ESR2: variants seen among roughly 807,000 people sequenced by gnomAD.
ESR2 encodes the protein estrogen receptor 2, also known as estrogen receptor beta.
Under a neutral mutation model 49.6 loss-of-function variants are expected in ESR2, and 36 were observed. The ratio of observed to expected loss-of-function variants is 0.73; its 90% CI spans 0.56 to 0.96. ESR2 has a LOEUF of 0.96. Among genes scored for constraint, ESR2 ranks in the 40% least tolerant of loss-of-function variants. The pLI is 0.00. For synonymous variants in ESR2, 320 were observed against 266.1 expected (o/e 1.20, Z -1.97); for missense variants, 714 against 693.0 (o/e 1.03, Z -0.34).
chr14:64,234,690 C>T (rs1415021289), intron 8 of ESR2: 3 of 603,116 alleles, frequency 5.0e-6, no homozygotes, highest in East Asian at 2.9e-5. Context: ...GGAACTGCCC[C>T]TTTTAGGACT....
At chr14:64,239,613 C>T (rs2075678627) in intron 7 of ESR2, among the ~76,000 whole-genome samples, 1 of 152,128 alleles carries the variant, frequency 6.6e-6, no homozygotes, top group African/African-American at 2.4e-5. Flanking sequence ...GCAAGATGGC[C>T]AGTCTGTCTG....
intron 1 of ESR2, among the ~76,000 whole-genome samples, chr14:64,304,062 C>T (rs1243413738): frequency 4.6e-5 from 7 of 152,194 alleles, no homozygotes; most frequent in Non-Finnish European, 8.8e-5. Flanking sequence ...CCTGTAATCC[C>T]AGCACTTTGG....
chr14:64,279,918 T>C, intron 3 of ESR2, 63 bp downstream of exon 3: 1 of 1,393,680 alleles, frequency 7.2e-7, no homozygotes, highest in Non-Finnish European at 1.0e-6. Flanking sequence ...CCAAGTCATC[T>C]CTGCAAAATT....
At chr14:64,285,855 GA>G (rs1178178602) in intron 1 of ESR2, among the ~76,000 whole-genome samples, 100 of 140,490 alleles carry the variant, frequency 7.1e-4, no homozygotes, top group Middle Eastern at 3.7e-3. Flanking sequence ...AAAAGAAAAA[GA>G]AAAAAAAAAG....
In ESR2 at chr14:64,282,626, G is replaced by A. The variant is rs765590594; in HGVS notation, c.360C>T (p.Asn120=). 23 of 1,593,926 alleles carry A rather than the reference G, an allele frequency of 1.4e-5. No individual in the cohort carries two copies. The South Asian group carries it at 2.0e-4, about 14-fold the overall frequency. The change falls in exon 2 of 9, where the codon AAC becomes AAT. Residue 120 remains asparagine (N), a splice_region_variant and synonymous_variant. Coordinates refer to ENST00000341099, the MANE Select transcript of ESR2 (RefSeq NM_001437.3). ...TTCAGAATGAAGACTGGACTTACCT[G>A]TTTACAGGTAAGGTGTGTTCTAGCG... ...ARSLEHTLPV[N]RETLKRKVSG... is the part of the protein sequence containing the mutation.
intron 5 of ESR2, 177 bp from the exon 6 acceptor site, chr14:64,257,541 G>A (rs1183258845): frequency 8.0e-6 from 6 of 751,966 alleles, no homozygotes; most frequent in African/African-American, 3.5e-5. Flanking sequence ...GTTAAGCTGC[G>A]CAACTTAGTT....
intron 1 of ESR2, among the ~76,000 whole-genome samples, chr14:64,289,148 T>C (rs900953780): frequency 3.3e-5 from 5 of 152,144 alleles, no homozygotes; most frequent in Non-Finnish European, 5.9e-5. Context: ...TCTTCTTCAG[T>C]AGAATCAGGT....
At chr14:64,268,596 T>A (rs748369077) in intron 4 of ESR2, among the ~76,000 whole-genome samples, 199 bp downstream of exon 4, 2 of 152,196 alleles carry the variant, frequency 1.3e-5, no homozygotes, top group Non-Finnish European at 2.9e-5. Flanking sequence ...CTGCCTCCCA[T>A]AATCTGTTCC....
chr14:64,268,557 G>T (rs1239953979), intron 4 of ESR2, among the ~76,000 whole-genome samples: 1 of 152,158 alleles, frequency 6.6e-6, no homozygotes, highest in Admixed American at 6.5e-5. Context: ...TTGAACTCTA[G>T]AAAGCTCTTC....
chr14:64,282,650 C>T lies in ESR2; in HGVS notation c.336G>A (p.Ser112=), dbSNP rs1473211508. ...TGTTTACAGGTAAGGTGTGTTCTAGCGATCTTGCTTCACACCAGGGACTCT... is the reference window on the plus strand; with the variant it reads ...TGTTTACAGGTAAGGTGTGTTCTAGTGATCTTGCTTCACACCAGGGACTCT... ...PQKSPWCEAR[S]LEHTLPVNRE... The change falls in exon 2 of 9, where the codon TCG becomes TCA. Residue 112 remains serine (S), a synonymous_variant. Transcript: ENST00000341099. The T allele has an allele frequency of 1.2e-6, 2 of 1,607,636 alleles. No homozygotes were observed. Among genetic ancestry groups the T allele is most frequent in the South Asian group, 2.2e-5 (2 of 90,906 alleles).
chr14:64,324,129 C>T (rs1283883672), intron 1 of ESR2, among the ~76,000 whole-genome samples: 1 of 152,146 alleles, frequency 6.6e-6, no homozygotes, highest in East Asian at 1.9e-4. Context: ...TGATCTGCAC[C>T]GCGCCGCCTG....
At chr14:64,332,496 CCTG>C (rs1324453942) in intron 1 of ESR2, among the ~76,000 whole-genome samples, 1 of 152,098 alleles carries the variant, frequency 6.6e-6, no homozygotes, top group Non-Finnish European at 1.5e-5. Context: ...CATCTTTTCT[CCTG>C]CTATCAAAAA....
chr14:64,296,605 A>G (rs562004827), upstream of ESR2, among the ~76,000 whole-genome samples: 92 of 152,288 alleles, frequency 6.0e-4, no homozygotes, highest in African/African-American at 2.2e-3. Flanking sequence ...CATGCCTCCA[A>G]TCAATCAGAA....
intron 7 of ESR2, among the ~76,000 whole-genome samples, chr14:64,245,892 C>CT (rs1427887349): frequency 2.6e-5 from 4 of 152,240 alleles, no homozygotes; most frequent in African/African-American, 7.2e-5. Flanking sequence ...GCCCCATCAT[C>CT]TGGCATTTGA....
In ESR2 at chr14:64,260,434, G is replaced by C. The variant is rs2076188720; in HGVS notation, c.952+15C>G. ...TCTACAAGTACATGGAAAACTGATA[G>C]CCAGAAAGCCCTACCGGGAATCTTC... On this transcript the variant is annotated intron_variant, in intron 5 of 8. Coordinates refer to ENST00000341099, the MANE Select transcript of ESR2 (RefSeq NM_001437.3). 6.6e-7 allele frequency: 1 copy of C among 1,522,154 alleles called. No homozygotes were observed. Among genetic ancestry groups the C allele is most frequent in the Non-Finnish European group, 8.8e-7 (1 of 1,136,342 alleles). 94.3% of individuals were successfully genotyped at this position (1,522,154 alleles called of 1,614,324 possible). A position where few individuals can be genotyped will look rare whatever the true frequency, so the allele number is the denominator to read the frequency against.
In ESR2 at chr14:64,280,095, C is replaced by A. The variant is rs1281446424; in HGVS notation, c.421G>T (p.Gly141Cys). Residue 141 changes from glycine to cysteine, a missense_variant, in exon 3 of 9, where the codon GGT (glycine) becomes TGT (cysteine). By Grantham distance (159) the Gly-to-Cys change is radical (BLOSUM62 -3). Transcript: ENST00000341099. ...NRCASPVTGP[G>C]SKRDAHFCAV... is the part of the protein sequence containing the mutation. ...CAGAAGTGAGCATCCCTCTTTGAAC[C>A]TGGACCAGTAACAGGGCTGGCGCAA... The A allele has an allele frequency of 1.2e-6, 2 of 1,614,020 alleles. No individual in the cohort carries two copies. The highest frequency in any genetic ancestry group is 1.7e-6 in the Non-Finnish European group (2 of 1,179,982).
downstream of ESR2, chr14:64,227,540 T>C: frequency 6.2e-7 from 1 of 1,614,212 alleles, no homozygotes; most frequent in Non-Finnish European, 8.5e-7. Flanking sequence ...GGGTCACTGC[T>C]CCATCGTTGC....
chr14:64,310,490 A>G (rs1177932534), intron 1 of ESR2, among the ~76,000 whole-genome samples: 2 of 131,602 alleles, frequency 1.5e-5, no homozygotes, highest in Non-Finnish European at 3.2e-5. Flanking sequence ...TTTTTTTTTT[A>G]GACGGAGTTT....
intron 6 of ESR2, among the ~76,000 whole-genome samples, chr14:64,249,952 A>G (rs914897757): frequency 6.6e-6 from 1 of 152,152 alleles, no homozygotes; most frequent in African/African-American, 2.4e-5. Flanking sequence ...GCATTGGAAT[A>G]TTTTCCTTCT....
Sources: gnomAD v4.1 joint callset for allele counts (sites outside exome capture counted in the v4.1 genomes callset) on GRCh38, gnomAD v4.1.1 for gene constraint, MANE v1.5 for transcripts, NCBI Gene and HGNC (gene_info 2026-07-23, HGNC 2026-07-21) for gene names.